The following DOCK8 variants were observed in gnomAD, a reference collection of about 807,000 sequenced individuals.
DOCK8 encodes the protein dedicator of cytokinesis 8.
In DOCK8, 141 loss-of-function variants were observed where a neutral mutation model predicts 245.6. The ratio of observed to expected loss-of-function variants is 0.57; its 90% confidence interval spans 0.50 to 0.66. The LOEUF (loss-of-function observed/expected upper bound fraction) is 0.66. DOCK8 is among the 30% of genes least tolerant of loss of function. DOCK8 has a pLI of 0.00. For synonymous variants in DOCK8, 1,168 were observed against 970.2 expected (o/e 1.20, Z -3.79); for missense variants, 2,965 against 2,603.4 (o/e 1.14, Z -3.02).
intron 4 of DOCK8, among the ~76,000 whole-genome samples, chr9:291,810 C>G (rs2049052118): frequency 1.3e-5 from 2 of 151,398 alleles, no homozygotes; most frequent in South Asian, 4.2e-4. Context: ...CATTTATAAT[C>G]TTACTCAGCA....
chr9:264,723 A>C (rs1168160470), intron 1 of DOCK8, among the ~76,000 whole-genome samples: 4 of 152,334 alleles, frequency 2.6e-5, no homozygotes, highest in African/African-American at 4.8e-5. Context: ...CACTTTTAAA[A>C]GTGCACTTTA....
At position 344,403 on chromosome 9, in the gene DOCK8, G is replaced by T. The variant is rs555630088; in HGVS notation, c.1679+4082G>T. Among the ~76,000 whole-genome samples the T allele has an allele frequency of 4.5e-4, 69 of 152,136 alleles. 1 individual carries two copies. In the Middle Eastern group the frequency reaches 0.031, roughly 67 times the overall value. On this transcript the variant is annotated intron_variant, in intron 14 of 47. Coordinates refer to ENST00000432829, the MANE Select transcript of DOCK8 (RefSeq NM_203447.4). ...CTTCTCCAGTCCTTGTGTGCTTTAG[G>T]GTGGTTTTGATTAGATTGGGCTTGA...
chr9:214,589 C>A (rs1366825238), upstream of DOCK8: 1 of 1,613,948 alleles, frequency 6.2e-7, no homozygotes, highest in African/African-American at 1.3e-5. Context: ...GGCAGCCTCG[C>A]AGCTTCGGGC....
intron 26 of DOCK8, among the ~76,000 whole-genome samples, chr9:400,952 A>ACCACCACCT (rs2055021573): frequency 1.5e-5 from 1 of 67,440 alleles, no homozygotes; most frequent in Non-Finnish European, 3.6e-5. Context: ...CACCATCACC[A>ACCACCACCT]CCACCACCAC....
At chr9:418,273 G>GT in intron 30 of DOCK8, 66 bp downstream of exon 30, 1 of 1,577,812 alleles carries the variant, frequency 6.3e-7, no homozygotes, top group Non-Finnish European at 8.7e-7. Flanking sequence ...GTTTTGTTTT[G>GT]TTTGTTTGTT....
intron 33 of DOCK8, among the ~76,000 whole-genome samples, chr9:423,699 C>G (rs760765045): frequency 6.6e-6 from 1 of 152,174 alleles, no homozygotes; most frequent in Admixed American, 6.5e-5. Flanking sequence ...TATTCTTGCA[C>G]TAAATTCCCT....
chr9:405,421 G>A, intron 27 of DOCK8, among the ~76,000 whole-genome samples: 1 of 152,174 alleles, frequency 6.6e-6, no homozygotes, highest in South Asian at 2.1e-4. Context: ...AAGTAAATAA[G>A]TTTTGGAAAC....
intron 46 of DOCK8, among the ~76,000 whole-genome samples, chr9:462,008 A>G (rs896577887): frequency 1.3e-4 from 19 of 143,206 alleles, no homozygotes; most frequent in African/African-American, 3.9e-4. Flanking sequence ...AGGATTTTAT[A>G]CATTTTATTA....
At chr9:269,437 T>C (rs576733921) in intron 1 of DOCK8, among the ~76,000 whole-genome samples, 3 of 152,208 alleles carry the variant, frequency 2.0e-5, no homozygotes, top group Non-Finnish European at 4.4e-5. Context: ...TATACAACTT[T>C]TTGTTAAGTC....
At chr9:410,550 T>C (rs537370589) in intron 28 of DOCK8, among the ~76,000 whole-genome samples, 2 of 152,340 alleles carry the variant, frequency 1.3e-5, no homozygotes, top group African/African-American at 4.8e-5. Flanking sequence ...TTAGAACTCA[T>C]TTCTTTGGGG....
chr9:346,161 T>G (rs1326760290), intron 14 of DOCK8, among the ~76,000 whole-genome samples: 2 of 152,050 alleles, frequency 1.3e-5, no homozygotes, highest in Non-Finnish European at 2.9e-5. Flanking sequence ...GCAGAACAGC[T>G]GGAAAAACTG....
intron 14 of DOCK8, among the ~76,000 whole-genome samples, chr9:357,025 C>G (rs1365924217): frequency 1.3e-5 from 2 of 152,174 alleles, no homozygotes; most frequent in South Asian, 2.1e-4. Flanking sequence ...CATAAACACT[C>G]TAGCTTTCCC....
At chr9:420,338 C>G in intron 30 of DOCK8, 63 bp from the exon 31 acceptor site, 2 of 1,588,972 alleles carry the variant, frequency 1.3e-6, no homozygotes, top group South Asian at 2.2e-5. Context: ...ACTGTTAAGC[C>G]TCAAATTTTT....
rs757448518 is a variant in DOCK8 at position 371,566 on chromosome 9, A to G, written c.2007A>G (p.Ser669=). 15 of 1,614,046 alleles carry G rather than the reference A, an allele frequency of 9.3e-6. No individual in the cohort carries two copies. In the African/African-American group the frequency reaches 1.5e-4, roughly 16 times the overall value. The change falls in exon 17 of 48, where the codon TCA becomes TCG. Residue 669 remains serine, a splice_region_variant and synonymous_variant. Coordinates refer to ENST00000432829, the MANE Select transcript of DOCK8 (RefSeq NM_203447.4). ...GASVETLLGY[S]WLPILLNERL... ...CCGTGGAAACTCTCCTGGGATATTC[A>G]GTGAGTTGTTTCCAGCCTGCTGACT...
intron 4 of DOCK8, among the ~76,000 whole-genome samples, chr9:299,229 A>G (rs2049413855): frequency 1.3e-5 from 2 of 152,180 alleles, no homozygotes; most frequent in African/African-American, 4.8e-5. Flanking sequence ...ATGTACTAGG[A>G]AAGTTTACCC....
intron 15 of DOCK8, chr9:368,596 A>G: frequency 3.9e-6 from 1 of 257,792 alleles, no homozygotes; most frequent in Non-Finnish European, 7.5e-6. Context: ...TTATAAACAC[A>G]CACCACCTCC....
chr9:293,822 T>A (rs1316600316), intron 4 of DOCK8, among the ~76,000 whole-genome samples: 1 of 152,248 alleles, frequency 6.6e-6, no homozygotes, highest in Non-Finnish European at 1.5e-5. Flanking sequence ...TAATTAGTGA[T>A]TAATTATTTA....
chr9:318,262 C>T (rs1252351819), intron 7 of DOCK8, among the ~76,000 whole-genome samples: 3 of 152,166 alleles, frequency 2.0e-5, no homozygotes, highest in East Asian at 1.9e-4. Context: ...ACTACAGAAG[C>T]GTAACATTTA....
intron 1 of DOCK8, among the ~76,000 whole-genome samples, chr9:217,602 G>A (rs956091404): frequency 6.6e-6 from 1 of 152,202 alleles, no homozygotes; most frequent in African/African-American, 2.4e-5. Context: ...TGTGTGTTGT[G>A]TGGGAGAGTT....
Sources: gnomAD v4.1 joint callset for allele counts (sites outside exome capture counted in the v4.1 genomes callset) on GRCh38, gnomAD v4.1.1 for gene constraint, MANE v1.5 for transcripts, NCBI Gene and HGNC (gene_info 2026-07-23, HGNC 2026-07-21) for gene names.